IMPG2: variants seen among roughly 807,000 people sequenced by gnomAD.
The protein encoded by IMPG2 is IPM 200.
IMPG2 carries 91 observed loss-of-function variants against 129.2 expected under a neutral mutation model. The observed-to-expected ratio is 0.70, with a 90% CI of 0.59 to 0.84. The LOEUF (loss-of-function observed/expected upper bound fraction) is 0.84. Ranked by LOEUF, IMPG2 falls within the 40% of genes least tolerant of loss-of-function variation. The pLI, the probability that IMPG2 is intolerant of heterozygous loss-of-function variation, is 0.00. For missense variants in IMPG2, 1,430 were observed against 1,461.7 expected, an observed-to-expected ratio of 0.98 and a Z score of 0.35; for synonymous variants, 510 against 517.7, an observed-to-expected ratio of 0.99 and a Z score of 0.20.
intron 4 of IMPG2, among the ~76,000 whole-genome samples, chr3:101,285,065 A>G (rs186400698): frequency 2.1e-4 from 32 of 152,350 alleles, no homozygotes; most frequent in African/African-American, 7.0e-4. Flanking sequence ...GTGAACTCAG[A>G]GAATTTCATC....
rs1358295069 is a variant in IMPG2, at chr3:101,246,122, G to C, written c.1240-17C>G. 2 of 1,612,100 alleles carry C rather than the reference G, an allele frequency of 1.2e-6. No homozygotes were observed. On this transcript the variant is annotated splice_polypyrimidine_tract_variant and intron_variant, in intron 11 of 18. Transcript: ENST00000193391. ...GGTATTATCCTGGGGGGAAAAAAAGGCTAAATCATATCATAGATAAAAGAA... is the reference window on the plus strand; with the variant it reads ...GGTATTATCCTGGGGGGAAAAAAAGCCTAAATCATATCATAGATAAAAGAA...
chr3:101,232,865 C>A lies in IMPG2; in HGVS notation c.3149G>T (p.Cys1050Phe), dbSNP rs1348700476. The A allele has an allele frequency of 6.2e-7, 1 of 1,613,842 alleles. No individual in the cohort carries two copies. Among genetic ancestry groups the A allele is most frequent in the Non-Finnish European group, 8.5e-7 (1 of 1,179,974 alleles). ...PGYLSVEERP[C>F]QSLCDLQPDF... The stretch of plus-strand genomic sequence containing the variant: ...AGGCTGTAGGTCACAGAGACTCTGA[C>A]AGGGCCGTTCTTCCACACTCAGGTA... The change falls in exon 15 of 19, where the codon TGT becomes TTT. Residue 1050 changes from cysteine (C) to phenylalanine (F), a missense_variant. By Grantham distance (205) the Cys-to-Phe change is radical (BLOSUM62 -2). Transcript: ENST00000193391.
In IMPG2 at chr3:101,319,634, T is replaced by A; in HGVS notation, c.284A>T (p.Glu95Val). 1.2e-6 allele frequency: 2 copies of A among 1,613,756 alleles called. No individual in the cohort carries two copies. Among genetic ancestry groups the A allele is most frequent in the Non-Finnish European group, 8.5e-7 (1 of 1,179,810 alleles). ...FPNGVKICPD[E>V]SVAEAVANHV... is the part of the protein sequence containing the mutation. The stretch of plus-strand genomic sequence containing the variant: ...ATTTGCCACAGCCTCTGCAACACTT[T>A]CATCTGGGCAGATTTTCACTCCATT... The change falls in exon 2 of 19, where the codon GAA becomes GTA. Residue 95 changes from glutamate to valine, a missense_variant. Coordinates refer to ENST00000193391, the MANE Select transcript of IMPG2 (RefSeq NM_016247.4).
At chr3:101,260,287 T>G (rs571191159) in intron 9 of IMPG2, among the ~76,000 whole-genome samples, 1 of 152,288 alleles carries the variant, frequency 6.6e-6, no homozygotes, top group African/African-American at 2.4e-5. Context: ...AACTGAGCAC[T>G]TTGACACCCT....
chr3:101,241,118 C>A (rs1476454336), intron 14 of IMPG2, among the ~76,000 whole-genome samples: 1 of 152,224 alleles, frequency 6.6e-6, no homozygotes, highest in Non-Finnish European at 1.5e-5. Flanking sequence ...CAAACACATT[C>A]TCAGTCCTTG....
chr3:101,269,625 T>C (rs764594777), intron 7 of IMPG2, 52 bp from the exon 8 acceptor site: 2 of 1,037,426 alleles, frequency 1.9e-6, no homozygotes, highest in East Asian at 2.5e-5. Flanking sequence ...TGGAAAAATA[T>C]ATAGAAAATA....
chr3:101,241,410 A>C (rs1364812420), intron 14 of IMPG2, among the ~76,000 whole-genome samples: 1 of 152,230 alleles, frequency 6.6e-6, no homozygotes, highest in Non-Finnish European at 1.5e-5. Context: ...GAGTAACAAA[A>C]AACAAGCTGG....
intron 3 of IMPG2, among the ~76,000 whole-genome samples, chr3:101,302,544 T>C (rs1337243659): frequency 1.3e-5 from 2 of 152,182 alleles, no homozygotes; most frequent in Non-Finnish European, 2.9e-5. Flanking sequence ...GGATTTAAGC[T>C]CCATCATATC....
chr3:101,275,247 A>T (rs1706828379), intron 6 of IMPG2, among the ~76,000 whole-genome samples: 1 of 152,308 alleles, frequency 6.6e-6, no homozygotes, highest in Non-Finnish European at 1.5e-5. Flanking sequence ...GGTTTCTATT[A>T]ATAATGGTAC....
intron 18 of IMPG2, 78 bp downstream of exon 18, chr3:101,228,719 C>G: frequency 9.0e-7 from 1 of 1,111,458 alleles, no homozygotes; most frequent in Non-Finnish European, 1.4e-6. Flanking sequence ...AAATTATGTG[C>G]TCACTCAGGT....
intron 12 of IMPG2, 56 bp from the exon 13 acceptor site, chr3:101,244,843 G>C: frequency 6.8e-7 from 1 of 1,467,210 alleles, no homozygotes; most frequent in Non-Finnish European, 9.5e-7. Flanking sequence ...TGTATTCCTA[G>C]TTCTCCTAAT....
At chr3:101,271,265 C>T (rs1440371843) in intron 7 of IMPG2, among the ~76,000 whole-genome samples, 1 of 152,066 alleles carries the variant, frequency 6.6e-6, no homozygotes, top group African/African-American at 2.4e-5. Flanking sequence ...TACTTCCCTG[C>T]TCACCTACCA....
chr3:101,254,616 T>C (rs1399064930), intron 10 of IMPG2, among the ~76,000 whole-genome samples: 2 of 152,066 alleles, frequency 1.3e-5, no homozygotes, highest in Non-Finnish European at 2.9e-5. Context: ...CATAGAGATA[T>C]CAAGCAAAAG....
At chr3:101,262,189 G>A (rs1019462116) in intron 9 of IMPG2, among the ~76,000 whole-genome samples, 3 of 151,896 alleles carry the variant, frequency 2.0e-5, no homozygotes, top group Non-Finnish European at 4.4e-5. Context: ...CTTCTTTTAG[G>A]AAGAAGATAC....
chr3:101,267,570 A>G, intron 8 of IMPG2, 39 bp from the exon 9 acceptor site: 2 of 1,540,450 alleles, frequency 1.3e-6, no homozygotes, highest in Non-Finnish European at 1.8e-6. Flanking sequence ...AGAGTTTGAG[A>G]CAGTTATTAT....
Position 101,257,626 on chromosome 3 carries a change from A to C in IMPG2, c.1056T>G (p.Ser352Arg), listed in dbSNP as rs1559646881. 1 of 1,613,474 alleles carries C rather than the reference A, an allele frequency of 6.2e-7. No individual in the cohort carries two copies. Among genetic ancestry groups the C allele is most frequent in the East Asian group, 2.2e-5 (1 of 44,868 alleles). ...TCTCAGCAATATAATCTCTGAAGTT[A>C]CTGATTGTATAAACAACAGTGGGTT... is the stretch of plus-strand genomic sequence containing the variant. ...DDKPTVVYTI[S>R]NFRDYIAETL... Residue 352 changes from serine (S) to arginine (R), a missense_variant, in exon 10 of 19, where the codon AGT becomes AGG. Ser to Arg is a moderately radical substitution (Grantham distance 110). Coordinates refer to ENST00000193391, the MANE Select transcript of IMPG2 (RefSeq NM_016247.4).
rs755426207 is a variant in IMPG2 at position 101,242,671 on chromosome 3, G to T, written c.3022+17C>A. On this transcript the variant is annotated intron_variant, in intron 14 of 18. Coordinates refer to ENST00000193391, the MANE Select transcript of IMPG2 (RefSeq NM_016247.4). ...CTGGATTCTACTAAGAAACCACCATGCTAGGCAATATCATACCTGATTCCA... is the reference window on the plus strand; with the variant it reads ...CTGGATTCTACTAAGAAACCACCATTCTAGGCAATATCATACCTGATTCCA... 2.6e-6 allele frequency: 4 copies of T among 1,552,304 alleles called. No homozygotes were observed. Among genetic ancestry groups the T allele is most frequent in the Non-Finnish European group, 8.9e-7 (1 of 1,123,952 alleles).
At chr3:101,304,958 C>T (rs1021591739) in intron 2 of IMPG2, among the ~76,000 whole-genome samples, 31 of 151,750 alleles carry the variant, frequency 2.0e-4, no homozygotes, top group Non-Finnish European at 4.4e-5. Flanking sequence ...AATTATCACT[C>T]TCAAACTACT....
chr3:101,243,379 C>G, intron 13 of IMPG2, 150 bp downstream of exon 13: 1 of 737,620 alleles, frequency 1.4e-6, no homozygotes, highest in Non-Finnish European at 2.3e-6. Flanking sequence ...CTTACCAACC[C>G]TAGGCCATGA....
Sources: allele counts gnomAD v4.1 joint callset (sites outside exome capture counted in the v4.1 genomes callset), GRCh38; gene constraint gnomAD v4.1.1; transcripts MANE v1.5; gene names NCBI Gene and HGNC (gene_info 2026-07-23, HGNC 2026-07-21).